Variants in ANKRD45 observed in about 807,000 individuals in gnomAD.
ANKRD45 encodes the protein ankyrin repeat domain-containing protein 45.
In ANKRD45, 21 loss-of-function variants were observed where a neutral mutation model predicts 28.1. That is an observed-to-expected ratio of 0.75 (90% CI 0.53 to 1.08). The LOEUF is 1.08. ANKRD45 is among the 50% of genes least tolerant of loss of function. The probability of loss-of-function intolerance (pLI) is 0.00; values close to 1 mark genes in which losing one functional copy is unlikely to be tolerated. For synonymous variants in ANKRD45, 86 were observed against 103.9 expected, an observed-to-expected ratio of 0.83 and a Z score of 1.05; for missense variants, 261 against 308.7, an observed-to-expected ratio of 0.85 and a Z score of 1.16.
intron 5 of ANKRD45, among the ~76,000 whole-genome samples, chr1:173,618,245 A>G (rs1400829378): frequency 6.6e-6 from 1 of 152,238 alleles, no homozygotes. Flanking sequence ...CTCTTCTTCT[A>G]CAAGTGACTG....
the ANKRD45 span, among the ~76,000 whole-genome samples, chr1:173,710,564 T>C: frequency 6.6e-6 from 1 of 152,206 alleles, no homozygotes; most frequent in Non-Finnish European, 1.5e-5. Flanking sequence ...GTGTGTTTAC[T>C]GGAGTTGTAC....
chr1:173,679,380 A>G, the ANKRD45 span, among the ~76,000 whole-genome samples: 1 of 152,362 alleles, frequency 6.6e-6, no homozygotes, highest in East Asian at 1.9e-4. Flanking sequence ...CAGAGGCCTC[A>G]GAAATAACAC....
At chr1:173,615,375 C>A (rs1667417071) in intron 5 of ANKRD45, among the ~76,000 whole-genome samples, 1 of 133,506 alleles carries the variant, frequency 7.5e-6, no homozygotes, top group Non-Finnish European at 1.6e-5. Context: ...CAGAGTAAGA[C>A]TCCGTCTCAA....
chr1:173,613,475 C>G (rs1366062784), intron 5 of ANKRD45, among the ~76,000 whole-genome samples: 1 of 150,236 alleles, frequency 6.7e-6, no homozygotes, highest in East Asian at 2.0e-4. Flanking sequence ...GCAGCCCCCG[C>G]CCGGCCAGCC....
At chr1:173,674,991 T>C in the ANKRD45 span, among the ~76,000 whole-genome samples, 1 of 152,114 alleles carries the variant, frequency 6.6e-6, no homozygotes, top group African/African-American at 2.4e-5. Flanking sequence ...AAGCTCATTT[T>C]TAGAAGGTTG....
At chr1:173,653,701 T>G (rs1669350696) in intron 2 of ANKRD45, among the ~76,000 whole-genome samples, 1 of 152,154 alleles carries the variant, frequency 6.6e-6, no homozygotes. Context: ...AGTGGGGTGT[T>G]AAAGTCTCCC....
chr1:173,684,127 G>A, the ANKRD45 span, among the ~76,000 whole-genome samples: 2 of 152,172 alleles, frequency 1.3e-5, no homozygotes. Flanking sequence ...GAGTTAGGGT[G>A]GAGCAGCTGA....
intron 3 of ANKRD45, among the ~76,000 whole-genome samples, chr1:173,643,588 A>T (rs1668797263): frequency 6.6e-6 from 1 of 152,176 alleles, no homozygotes; most frequent in African/African-American, 2.4e-5. Flanking sequence ...TTTCATTTTC[A>T]GTATAATAAA....
chr1:173,665,158 T>C (rs900438845), intron 1 of ANKRD45, among the ~76,000 whole-genome samples: 2 of 152,054 alleles, frequency 1.3e-5, no homozygotes, highest in East Asian at 3.8e-4. Flanking sequence ...TTTTCTTTTT[T>C]AAAAAAATAA....
At chr1:173,632,695 T>C (rs10912655) in intron 3 of ANKRD45, among the ~76,000 whole-genome samples, 7,605 of 152,182 alleles carry the variant, frequency 0.05, 623 homozygotes, top group African/African-American at 0.17. Flanking sequence ...ATCCCAAGGA[T>C]GCAAGGATGT....
At chr1:173,672,385 T>A (rs1006346887), upstream of ANKRD45, among the ~76,000 whole-genome samples, 2 of 152,218 alleles carry the variant, frequency 1.3e-5, no homozygotes, top group African/African-American at 4.8e-5. Flanking sequence ...TTTAACATGC[T>A]ATTTTTCATA....
chr1:173,682,048 CAAA>C, the ANKRD45 span, among the ~76,000 whole-genome samples: 4 of 88,696 alleles, frequency 4.5e-5, no homozygotes, highest in African/African-American at 7.4e-5. Context: ...GACTCTGTCT[CAAA>C]AAAAAAAAAA....
chr1:173,634,161 T>C (rs1489987176), intron 3 of ANKRD45, among the ~76,000 whole-genome samples: 1 of 151,932 alleles, frequency 6.6e-6, no homozygotes, highest in Non-Finnish European at 1.5e-5. Flanking sequence ...TTTTTTTAAA[T>C]GGGCAAAAGA....
chr1:173,646,835 A>G lies in ANKRD45; in HGVS notation c.496+11T>C. 6.2e-7 allele frequency: 1 copy of G among 1,611,742 alleles called. No individual in the cohort carries two copies. Among genetic ancestry groups the G allele is most frequent in the Non-Finnish European group, 8.5e-7 (1 of 1,178,282 alleles). On this transcript the variant is annotated intron_variant, in intron 3 of 5. Coordinates refer to ENST00000333279, the MANE Select transcript of ANKRD45 (RefSeq NM_198493.3). ...TCAGTCAGTTTGCTAACCCCTTGTG[A>G]GCTTCCTTACCTGCCCAGTCCAGGA...
the ANKRD45 span, among the ~76,000 whole-genome samples, chr1:173,678,286 CTGA>C: frequency 6.6e-6 from 1 of 152,116 alleles, no homozygotes; most frequent in African/African-American, 2.4e-5. Context: ...GCCAATATCC[CTGA>C]TGAACATCGA....
At chr1:173,701,075 T>A in the ANKRD45 span, among the ~76,000 whole-genome samples, 1 of 152,218 alleles carries the variant, frequency 6.6e-6, no homozygotes, top group Non-Finnish European at 1.5e-5. Flanking sequence ...AAAATGCTCA[T>A]CATCACTGGC....
At chr1:173,680,148 A>G in the ANKRD45 span, among the ~76,000 whole-genome samples, 1 of 152,254 alleles carries the variant, frequency 6.6e-6, no homozygotes. Flanking sequence ...TCAAGGATCT[A>G]GAACTAGAAA....
At chr1:173,673,660 G>T (rs1670330334), upstream of ANKRD45, among the ~76,000 whole-genome samples, 1 of 149,306 alleles carries the variant, frequency 6.7e-6, no homozygotes, top group Non-Finnish European at 1.5e-5. Flanking sequence ...ACTTCAGAAG[G>T]TTGAGTCACC....
chr1:173,644,499 T>A (rs1309133104), intron 3 of ANKRD45, among the ~76,000 whole-genome samples: 1 of 152,194 alleles, frequency 6.6e-6, no homozygotes, highest in South Asian at 2.1e-4. Flanking sequence ...TTTCATTTCT[T>A]TTCACCACTA....
Sources: gnomAD v4.1 joint callset for allele counts (sites outside exome capture counted in the v4.1 genomes callset) on GRCh38, gnomAD v4.1.1 for gene constraint, MANE v1.5 for transcripts, NCBI Gene and HGNC (gene_info 2026-07-23, HGNC 2026-07-21) for gene names.